The following CPPED1 variants were observed in gnomAD, a reference collection of about 807,000 sequenced individuals.
The protein encoded by CPPED1 is serine/threonine-protein phosphatase CPPED1.
CPPED1 carries 28 observed loss-of-function variants against 28.0 expected under a neutral mutation model. That is an observed-to-expected ratio of 1.00 (90% CI 0.74 to 1.37). The LOEUF (loss-of-function observed/expected upper bound fraction) is 1.37, where lower values mean the gene tolerates loss of function less well. Ranked by LOEUF, CPPED1 falls within the 40% of genes most tolerant of loss-of-function variation. The pLI is 0.00. For synonymous variants in CPPED1, 198 were observed against 180.2 expected (o/e 1.10, Z -0.79); for missense variants, 504 against 416.5 (o/e 1.21, Z -1.83).
intron 2 of CPPED1, among the ~76,000 whole-genome samples, chr16:12,743,655 G>C (rs765594001): frequency 5.3e-5 from 8 of 152,172 alleles, no homozygotes; most frequent in Non-Finnish European, 1.0e-4. Flanking sequence ...GAACAAACAG[G>C]CTGAGATGAA....
chr16:12,789,462 T>C (rs976121813), intron 1 of CPPED1, among the ~76,000 whole-genome samples: 17 of 151,780 alleles, frequency 1.1e-4, no homozygotes, highest in Non-Finnish European at 2.2e-4. Flanking sequence ...AGAAGACATA[T>C]CCAAGCCAGG....
intron 2 of CPPED1, among the ~76,000 whole-genome samples, chr16:12,751,694 C>A (rs1296407759): frequency 6.6e-6 from 1 of 152,220 alleles, no homozygotes; most frequent in Non-Finnish European, 1.5e-5. Context: ...TTTCTTGTCA[C>A]ATGCCCTTAT....
At chr16:12,708,053 A>G (rs1348258529) in intron 2 of CPPED1, among the ~76,000 whole-genome samples, 1 of 152,208 alleles carries the variant, frequency 6.6e-6, no homozygotes, top group African/African-American at 2.4e-5. Context: ...AGGCTGAGGC[A>G]GGAGAATCGC....
At chr16:12,783,792 A>G (rs2080546650) in intron 1 of CPPED1, among the ~76,000 whole-genome samples, 1 of 152,192 alleles carries the variant, frequency 6.6e-6, no homozygotes, top group Admixed American at 6.5e-5. Context: ...CATAAACCCA[A>G]CAGTCCTCAA....
chr16:12,780,886 A>C (rs1188681705), intron 2 of CPPED1: 1 of 382,634 alleles, frequency 2.6e-6, no homozygotes, highest in African/African-American at 2.0e-5. Flanking sequence ...GAAGCAGTTC[A>C]AGTTTGTCCC....
At chr16:12,737,060 C>T (rs1414867878) in intron 2 of CPPED1, among the ~76,000 whole-genome samples, 1 of 152,010 alleles carries the variant, frequency 6.6e-6, no homozygotes, top group Non-Finnish European at 1.5e-5. Context: ...TGCGATGGCG[C>T]ACACCTGCAG....
chr16:12,759,767 T>G (rs952905850), intron 2 of CPPED1, among the ~76,000 whole-genome samples: 1 of 152,208 alleles, frequency 6.6e-6, no homozygotes, highest in Non-Finnish European at 1.5e-5. Flanking sequence ...TGACGCCTTG[T>G]GAAAAAGGTG....
chr16:12,797,704 G>C (rs1393221020), intron 1 of CPPED1, among the ~76,000 whole-genome samples: 1 of 152,078 alleles, frequency 6.6e-6, no homozygotes, highest in Non-Finnish European at 1.5e-5. Flanking sequence ...TAGCTGATGA[G>C]CTTGAAAAAA....
At chr16:12,750,940 C>G (rs1596471042) in intron 2 of CPPED1, among the ~76,000 whole-genome samples, 1 of 151,958 alleles carries the variant, frequency 6.6e-6, no homozygotes, top group South Asian at 2.1e-4. Context: ...TGCACTCCAG[C>G]CTGGGTGACA....
intron 3 of CPPED1, among the ~76,000 whole-genome samples, chr16:12,667,759 ATAG>A (rs1211709587): frequency 6.6e-5 from 10 of 152,202 alleles, no homozygotes; most frequent in Non-Finnish European, 2.9e-5. Context: ...AATTCAAAGG[ATAG>A]ATTAAGATCA....
chr16:12,667,503 C>T (rs2079831981), intron 3 of CPPED1, among the ~76,000 whole-genome samples: 1 of 152,152 alleles, frequency 6.6e-6, no homozygotes, highest in African/African-American at 2.4e-5. Flanking sequence ...CCTGTAATCC[C>T]TGTACTTTGA....
intron 2 of CPPED1, among the ~76,000 whole-genome samples, chr16:12,715,724 C>T (rs888277157): frequency 2.6e-5 from 4 of 152,156 alleles, no homozygotes; most frequent in Admixed American, 1.3e-4. Context: ...GACGGAGTTT[C>T]TCCATGTTGG....
At chr16:12,689,415 A>T (rs2079950717) in intron 3 of CPPED1, among the ~76,000 whole-genome samples, 1 of 151,048 alleles carries the variant, frequency 6.6e-6, no homozygotes. Context: ...TATTTTGTAG[A>T]GATGGGGTCT....
At chr16:12,708,951 G>A (rs915447976) in intron 2 of CPPED1, among the ~76,000 whole-genome samples, 15 of 152,106 alleles carry the variant, frequency 9.9e-5, no homozygotes, top group African/African-American at 3.4e-4. Flanking sequence ...ATGGTGGCAT[G>A]GGCCTGTAAT....
At chr16:12,778,460 G>A (rs2141237169) in intron 2 of CPPED1, among the ~76,000 whole-genome samples, 1 of 151,584 alleles carries the variant, frequency 6.6e-6, no homozygotes, top group East Asian at 1.9e-4. Flanking sequence ...TATTTTAGTA[G>A]AGACGGGGTT....
chr16:12,755,497 G>T (rs988080060), intron 2 of CPPED1, among the ~76,000 whole-genome samples: 3 of 151,626 alleles, frequency 2.0e-5, no homozygotes, highest in Non-Finnish European at 4.4e-5. Context: ...GCTGAGGCTG[G>T]TGTATGAACT....
At chr16:12,756,875 C>T (rs3859028) in intron 2 of CPPED1, among the ~76,000 whole-genome samples, 3,523 of 150,826 alleles carry the variant, frequency 0.023, 61 homozygotes, top group Non-Finnish European at 0.037. Flanking sequence ...ACAGTGCTCT[C>T]CCAAAAGTGT....
At chr16:12,726,978 T>C (rs2080173383) in intron 2 of CPPED1, among the ~76,000 whole-genome samples, 1 of 152,134 alleles carries the variant, frequency 6.6e-6, no homozygotes, top group Non-Finnish European at 1.5e-5. Flanking sequence ...ACATGAGGCT[T>C]ATGCCAGAGC....
chr16:12,671,043 G>A (rs553319687), intron 3 of CPPED1, among the ~76,000 whole-genome samples: 1 of 152,072 alleles, frequency 6.6e-6, no homozygotes, highest in Admixed American at 6.5e-5. Flanking sequence ...TAGAGATTGG[G>A]TTTCACCATG....
Sources: allele counts gnomAD v4.1 joint callset (sites outside exome capture counted in the v4.1 genomes callset), GRCh38; gene constraint gnomAD v4.1.1; transcripts MANE v1.5; gene names NCBI Gene and HGNC (gene_info 2026-07-23, HGNC 2026-07-21).